Variants in GRIK2 observed in about 807,000 individuals in gnomAD.
The protein encoded by GRIK2 is glutamate receptor ionotropic, kainate 2.
Under a neutral mutation model 100.3 loss-of-function variants are expected in GRIK2, and 32 were observed. The observed-to-expected ratio is 0.32, with a 90% CI of 0.24 to 0.43. The LOEUF (loss-of-function observed/expected upper bound fraction) is 0.43. Among genes scored for constraint, GRIK2 ranks in the 20% least tolerant of loss-of-function variants. The pLI, the probability that GRIK2 is intolerant of heterozygous loss-of-function variation, is 1.00. For missense variants in GRIK2, 843 were observed against 1,114.9 expected (o/e 0.76, Z 3.47); for synonymous variants, 417 against 389.4 (o/e 1.07, Z -0.83).
At chr6:101,551,717 C>T (rs557781918) in intron 2 of GRIK2, among the ~76,000 whole-genome samples, 9 of 152,156 alleles carry the variant, frequency 5.9e-5, no homozygotes, top group Non-Finnish European at 8.8e-5. Context: ...AGCACTGAGA[C>T]GTGAGCTTAC....
intron 14 of GRIK2, among the ~76,000 whole-genome samples, chr6:101,995,431 T>C (rs971315151): frequency 1.3e-5 from 2 of 152,044 alleles, no homozygotes; most frequent in African/African-American, 4.8e-5. Flanking sequence ...GAAGGCAATG[T>C]ATTTCTCTGC....
At chr6:101,880,155 G>A (rs2128452872) in intron 11 of GRIK2, among the ~76,000 whole-genome samples, 1 of 152,142 alleles carries the variant, frequency 6.6e-6, no homozygotes, top group Non-Finnish European at 1.5e-5. Context: ...GTCTAGCTAT[G>A]ATCCTTGAGT....
intron 14 of GRIK2, among the ~76,000 whole-genome samples, chr6:101,937,876 G>A (rs998779065): frequency 2.0e-5 from 3 of 152,114 alleles, no homozygotes; most frequent in Non-Finnish European, 2.9e-5. Flanking sequence ...CCTGAAATTT[G>A]TACTTAATTT....
intron 14 of GRIK2, among the ~76,000 whole-genome samples, chr6:101,995,236 C>A (rs1019561862): frequency 1.3e-5 from 2 of 151,732 alleles, no homozygotes; most frequent in Admixed American, 1.3e-4. Flanking sequence ...CTTAATCAGC[C>A]ACTGATTAAT....
rs1376723314 is a variant in GRIK2, at chr6:101,955,617, C to CTCTCTCTCTCTCTCTCTCTCTCTCTCTCT, written c.2085+26985_2085+26986insTCTCTCTCTCTCTCTCTCTCTCTCTCTCT. 3.2e-4 allele frequency among the ~76,000 whole-genome samples: 37 copies of CTCTCTCTCTCTCTCTCTCTCTCTCTCTCT among 116,430 alleles called. 1 individual carries two copies. Among genetic ancestry groups the CTCTCTCTCTCTCTCTCTCTCTCTCTCTCT allele is most frequent in the Non-Finnish European group, 4.4e-4 (26 of 59,382 alleles). 76.4% of individuals were successfully genotyped at this position (116,430 alleles called of 152,430 possible). ...CTCTCTCTCTCTCTCTCTCTCTCTCCCCCCCATTTCTTTTACAGTCAGATT... is the reference window on the plus strand; with the variant it reads ...CTCTCTCTCTCTCTCTCTCTCTCTCCTCTCTCTCTCTCTCTCTCTCTCTCTCTCTCCCCCATTTCTTTTACAGTCAGATT... On this transcript the variant is annotated intron_variant, in intron 14 of 16. Transcript: ENST00000369134.
intron 14 of GRIK2, among the ~76,000 whole-genome samples, chr6:102,005,816 T>TAAG (rs1430314046): frequency 6.6e-6 from 1 of 152,088 alleles, no homozygotes; most frequent in African/African-American, 2.4e-5. Flanking sequence ...CAATAGATAT[T>TAAG]AAGTTTCTGT....
At chr6:101,441,107 G>A (rs574553778) in intron 2 of GRIK2, among the ~76,000 whole-genome samples, 2 of 151,864 alleles carry the variant, frequency 1.3e-5, no homozygotes, top group Non-Finnish European at 2.9e-5. Flanking sequence ...GCTTCCTAGA[G>A]CACTGGGATT....
chr6:101,938,073 T>C (rs1283299387), intron 14 of GRIK2, among the ~76,000 whole-genome samples: 1 of 152,132 alleles, frequency 6.6e-6, no homozygotes, highest in Non-Finnish European at 1.5e-5. Flanking sequence ...AACAGTAATA[T>C]CACTTTGTTG....
At chr6:102,004,119 A>G (rs1795086934) in intron 14 of GRIK2, among the ~76,000 whole-genome samples, 1 of 150,156 alleles carries the variant, frequency 6.7e-6, no homozygotes, top group Non-Finnish European at 1.5e-5. Flanking sequence ...TTGCATTTAT[A>G]TTTGTTCATA....
At position 101,924,624 on chromosome 6, in the gene GRIK2, A is replaced by C. The variant is rs1340120068; in HGVS notation, c.1772A>C (p.Asn591Thr). ...AGGTTTAGTCCTTATGAGTGGTATA[A>C]TCCACACCCTTGCAACCCTGACTCA... ...IARFSPYEWYNPHPCNPDSDV... is the reference protein window; with the variant it reads ...IARFSPYEWYTPHPCNPDSDV... The change falls in exon 13 of 17, where the codon AAT (asparagine) becomes ACT (threonine). Residue 591 changes from asparagine (N) to threonine (T), a missense_variant. Asn to Thr is a moderately conservative substitution (Grantham distance 65, BLOSUM62 0). Coordinates refer to ENST00000369134, the MANE Select transcript of GRIK2 (RefSeq NM_021956.5). 6.3e-7 allele frequency: 1 copy of C among 1,596,288 alleles called. No individual in the cohort carries two copies. Among genetic ancestry groups the C allele is most frequent in the East Asian group, 2.2e-5 (1 of 44,806 alleles).
chr6:101,489,673 A>T lies in GRIK2; in HGVS notation c.115+90281A>T, dbSNP rs1377928090. Among the ~76,000 whole-genome samples, 3 of 146,042 alleles carry T rather than the reference A, an allele frequency of 2.1e-5. No individual in the cohort carries two copies. The East Asian group carries it at 5.8e-4, about 28-fold the overall frequency. On this transcript the variant is annotated intron_variant, in intron 2 of 16. Transcript: ENST00000369134. ...ACTATCCAGGTTTATCCAGGCAAGT[A>T]GTGTTCCTCTGTAAAACTCTCATTT...
chr6:101,859,372 G>A lies in GRIK2; in HGVS notation c.1403G>A (p.Arg468Lys). 1 of 1,601,866 alleles carries A rather than the reference G, an allele frequency of 6.2e-7. No individual in the cohort carries two copies. The highest frequency in any genetic ancestry group is 2.2e-5 in the East Asian group (1 of 44,742). The change falls in exon 11 of 17, where the codon AGA (arginine) becomes AAA (lysine). Residue 468 changes from arginine to lysine, a missense_variant. Physicochemically the swap from Arg to Lys is conservative, Grantham distance 26. Coordinates refer to ENST00000369134, the MANE Select transcript of GRIK2 (RefSeq NM_021956.5). ...GAAGGCTATTGCATTGATCTCCTCA[G>A]AGAGTTATCTACAATCCTTGGCTTT... is the stretch of plus-strand genomic sequence containing the variant. ...RFEGYCIDLL[R>K]ELSTILGFTY...
intron 9 of GRIK2, among the ~76,000 whole-genome samples, chr6:101,802,729 A>G (rs1371173633): frequency 1.3e-5 from 2 of 151,916 alleles, no homozygotes; most frequent in African/African-American, 2.4e-5. Flanking sequence ...TAGCAATTAG[A>G]AAATATTTGG....
intron 2 of GRIK2, among the ~76,000 whole-genome samples, chr6:101,439,164 G>A (rs1232637933): frequency 2.0e-5 from 3 of 152,120 alleles, no homozygotes; most frequent in Admixed American, 6.6e-5. Flanking sequence ...TATCTCATTG[G>A]GTCTATATAT....
intron 14 of GRIK2, among the ~76,000 whole-genome samples, chr6:101,984,369 T>C (rs1351063285): frequency 6.6e-6 from 1 of 151,566 alleles, no homozygotes; most frequent in Non-Finnish European, 1.5e-5. Context: ...ACTACCTTGC[T>C]TGGGTATAAG....
rs181615348 is a variant in GRIK2 at position 101,979,705 on chromosome 6, C to A, written c.2085+51073C>A. 2.1e-3 allele frequency among the ~76,000 whole-genome samples: 317 copies of A among 152,044 alleles called. 2 individuals carry two copies. Among genetic ancestry groups the A allele is most frequent in the Non-Finnish European group, 3.9e-3 (264 of 67,934 alleles). On this transcript the variant is annotated intron_variant, in intron 14 of 16. Coordinates refer to ENST00000369134, the MANE Select transcript of GRIK2 (RefSeq NM_021956.5). ...CTAGTTCTTCTAGCATGCACACCCC[C>A]TTCATCTTGGTGATAGAGGGACACG...
At chr6:101,410,694 TA>T (rs1410693868) in intron 2 of GRIK2, among the ~76,000 whole-genome samples, 11 of 152,130 alleles carry the variant, frequency 7.2e-5, no homozygotes, top group Admixed American at 4.6e-4. Flanking sequence ...TAAAAAATTT[TA>T]AACTTCAATG....
chr6:102,039,207 T>TTTAA (rs2114443388), intron 15 of GRIK2, among the ~76,000 whole-genome samples: 1 of 151,562 alleles, frequency 6.6e-6, no homozygotes, highest in African/African-American at 2.4e-5. Flanking sequence ...GAATAAGCTA[T>TTTAA]TTAATTAAGG....
chr6:102,060,564 G>T (rs931129438), intron 16 of GRIK2, among the ~76,000 whole-genome samples: 4 of 150,686 alleles, frequency 2.7e-5, no homozygotes, highest in Non-Finnish European at 4.5e-5. Flanking sequence ...AGTTCTAACA[G>T]GAGCAATGCT....
Sources: gnomAD v4.1 joint callset for allele counts (sites outside exome capture counted in the v4.1 genomes callset) on GRCh38, gnomAD v4.1.1 for gene constraint, MANE v1.5 for transcripts, NCBI Gene and HGNC (gene_info 2026-07-23, HGNC 2026-07-21) for gene names.